WWC2: variants seen among roughly 807,000 people sequenced by gnomAD.
WWC2 encodes the protein WW and C2 domain containing 2, also known as protein WWC2.
In WWC2, 101 loss-of-function variants were observed where a neutral mutation model predicts 138.5. That is an observed-to-expected ratio of 0.73 (90% CI 0.62 to 0.86). The LOEUF is 0.86. Among genes scored for constraint, WWC2 ranks in the 40% least tolerant of loss-of-function variants. WWC2 has a pLI of 0.00. For missense variants in WWC2, 1,420 were observed against 1,419.4 expected, an observed-to-expected ratio of 1.00 and a Z score of -0.01; for synonymous variants, 558 against 538.4, an observed-to-expected ratio of 1.04 and a Z score of -0.50.
chr4:183,208,879 A>G (rs1735515210), intron 3 of WWC2, 70 bp from the exon 4 acceptor site: 1 of 1,059,000 alleles, frequency 9.4e-7, no homozygotes, highest in Non-Finnish European at 1.4e-6. Flanking sequence ...TTTTAGCTTC[A>G]GTAAATTCTA....
chr4:183,170,176 C>T (rs1263009500), intron 1 of WWC2, among the ~76,000 whole-genome samples: 1 of 152,116 alleles, frequency 6.6e-6, no homozygotes, highest in African/African-American at 2.4e-5. Context: ...AGTTATTGTG[C>T]CGTTGGCCAG....
At chr4:183,109,691 G>T (rs1397726723) in intron 1 of WWC2, among the ~76,000 whole-genome samples, 1 of 152,164 alleles carries the variant, frequency 6.6e-6, no homozygotes, top group South Asian at 2.1e-4. Context: ...CTTCTGTGCG[G>T]CCCAGTTCCT....
chr4:183,294,896 G>T (rs1425157927), intron 21 of WWC2, among the ~76,000 whole-genome samples: 2 of 152,058 alleles, frequency 1.3e-5, no homozygotes, highest in East Asian at 3.9e-4. Flanking sequence ...TTTGCTCTAG[G>T]TAAAGTAGAT....
At chr4:183,139,569 A>G (rs1398009199) in intron 1 of WWC2, among the ~76,000 whole-genome samples, 1 of 152,150 alleles carries the variant, frequency 6.6e-6, no homozygotes, top group Non-Finnish European at 1.5e-5. Context: ...AAGGTCCATG[A>G]GCAACCACAA....
intron 1 of WWC2, among the ~76,000 whole-genome samples, chr4:183,153,144 A>G (rs13115236): frequency 0.023 from 3,485 of 152,258 alleles, 58 homozygotes; most frequent in Non-Finnish European, 0.038. Context: ...GCCTCAAGCT[A>G]TCCTCCTGCG....
At chr4:183,231,372 C>T (rs182635867) in intron 4 of WWC2, among the ~76,000 whole-genome samples, 86 of 145,070 alleles carry the variant, frequency 5.9e-4, no homozygotes, top group African/African-American at 2.2e-3. Flanking sequence ...TGTGTTCAGG[C>T]GATTCTTGTG....
rs944506108 is a variant in WWC2, at chr4:183,206,586, C to T, written c.242-1367C>T. 3.3e-5 allele frequency among the ~76,000 whole-genome samples: 5 copies of T among 152,188 alleles called. No individual in the cohort carries two copies. In the South Asian group the frequency reaches 6.2e-4, roughly 19 times the overall value. ...ATTTTAGAAGTGAACTGTGTAATTT[C>T]GATGGGTGAAAGAAATAGAACATCA... On this transcript the variant is annotated intron_variant, in intron 2 of 22. Transcript: ENST00000403733.
chr4:183,110,593 T>A (rs1732201761), intron 1 of WWC2, among the ~76,000 whole-genome samples: 1 of 152,158 alleles, frequency 6.6e-6, no homozygotes, highest in Non-Finnish European at 1.5e-5. Flanking sequence ...CTCCTGTAGC[T>A]CATGAGGAAT....
intron 1 of WWC2, among the ~76,000 whole-genome samples, chr4:183,184,997 A>C (rs1394871453): frequency 1.3e-5 from 2 of 152,170 alleles, no homozygotes; most frequent in Non-Finnish European, 2.9e-5. Flanking sequence ...CCACTTCTCC[A>C]TCACCTGGTT....
chr4:183,254,132 T>C (rs1305505938), intron 9 of WWC2, 133 bp downstream of exon 9: 6 of 1,376,374 alleles, frequency 4.4e-6, no homozygotes, highest in African/African-American at 1.5e-5. Flanking sequence ...AAATGGACTT[T>C]CTGTAGAACA....
At chr4:183,238,347 G>A (rs1736494890) in intron 4 of WWC2, among the ~76,000 whole-genome samples, 1 of 152,128 alleles carries the variant, frequency 6.6e-6, no homozygotes, top group African/African-American at 2.4e-5. Context: ...TTGCCCACAT[G>A]CCAGCCCACA....
intron 1 of WWC2, among the ~76,000 whole-genome samples, chr4:183,145,607 C>T (rs2111105182): frequency 6.6e-6 from 1 of 152,294 alleles, no homozygotes; most frequent in South Asian, 2.1e-4. Flanking sequence ...TGCTAAGCAG[C>T]TGGAGCAACT....
chr4:183,227,300 T>A (rs1298353313), intron 4 of WWC2, among the ~76,000 whole-genome samples: 1 of 152,082 alleles, frequency 6.6e-6, no homozygotes, highest in Non-Finnish European at 1.5e-5. Context: ...GCTGTGACAG[T>A]TGAAGCAGTG....
intron 21 of WWC2, among the ~76,000 whole-genome samples, chr4:183,311,820 G>T (rs979012745): frequency 2.6e-5 from 4 of 151,962 alleles, no homozygotes; most frequent in Non-Finnish European, 4.4e-5. Flanking sequence ...CTCGTGATCC[G>T]CCTGCCTCGG....
chr4:183,133,080 CCTTA>C, intron 1 of WWC2, among the ~76,000 whole-genome samples: 2 of 139,174 alleles, frequency 1.4e-5, no homozygotes, highest in African/African-American at 5.6e-5. Context: ...TTCCCTCTTC[CCTTA>C]CCTTTTTCCT....
intron 20 of WWC2, among the ~76,000 whole-genome samples, chr4:183,287,707 G>T (rs564624665): frequency 2.0e-5 from 3 of 152,232 alleles, no homozygotes; most frequent in South Asian, 2.1e-4. Context: ...ATGAGGAAAA[G>T]GTTCATCTGA....
rs1466498195 is a variant in WWC2 at position 183,315,950 on chromosome 4, G to C, written c.*221G>C. On this transcript the variant is annotated 3_prime_UTR_variant, in exon 23 of 23. Transcript: ENST00000403733. ...AAAAAAGAAAAAATCATATAAGAAAGATGGGATAACCTGGTACACAAATGT... is the reference window on the plus strand; with the variant it reads ...AAAAAAGAAAAAATCATATAAGAAACATGGGATAACCTGGTACACAAATGT... 2.2e-6 allele frequency: 1 copy of C among 445,062 alleles called. No homozygotes were observed. The highest frequency in any genetic ancestry group is 4.1e-6 in the Non-Finnish European group (1 of 245,532). The allele number at this position is 445,062 out of a possible 1,614,324, so 27.6% of individuals were successfully genotyped here.
At chr4:183,198,999 G>A (rs1580050103) in intron 2 of WWC2, among the ~76,000 whole-genome samples, 1 of 152,122 alleles carries the variant, frequency 6.6e-6, no homozygotes, top group South Asian at 2.1e-4. Flanking sequence ...AGAAGATGGG[G>A]AAACATGAAG....
chr4:183,168,468 C>T (rs1734184778), intron 1 of WWC2, among the ~76,000 whole-genome samples: 1 of 152,148 alleles, frequency 6.6e-6, no homozygotes, highest in South Asian at 2.1e-4. Context: ...GGCAATCAGA[C>T]AGATTGTTAA....
Sources: gnomAD v4.1 joint callset for allele counts (sites outside exome capture counted in the v4.1 genomes callset) on GRCh38, gnomAD v4.1.1 for gene constraint, MANE v1.5 for transcripts, NCBI Gene and HGNC (gene_info 2026-07-23, HGNC 2026-07-21) for gene names.